The following TPGS2 variants were observed in gnomAD, a reference collection of about 807,000 sequenced individuals.
TPGS2 encodes polyglutamylase subunit 2.
A neutral mutation model predicts 31.1 loss-of-function variants in TPGS2; 26 were observed. The ratio of observed to expected loss-of-function variants is 0.84; its 90% CI spans 0.61 to 1.16. TPGS2 has a LOEUF of 1.16. Among genes scored for constraint, TPGS2 ranks in the 50% most tolerant of loss-of-function variants. The pLI is 0.00. For synonymous variants in TPGS2, 130 were observed against 136.6 expected, an observed-to-expected ratio of 0.95 and a Z score of 0.34; for missense variants, 351 against 363.8, an observed-to-expected ratio of 0.96 and a Z score of 0.29.
At chr18:36,804,402 C>T (rs2045005393) in intron 4 of TPGS2, among the ~76,000 whole-genome samples, 1 of 152,164 alleles carries the variant, frequency 6.6e-6, no homozygotes. Context: ...TATTTGACTA[C>T]TTCACCTTTT....
At chr18:36,792,187 A>G (rs1466278891), downstream of TPGS2, among the ~76,000 whole-genome samples, 2 of 152,224 alleles carry the variant, frequency 1.3e-5, no homozygotes, top group Non-Finnish European at 2.9e-5. Context: ...CTGAATGGCT[A>G]TTGGACAGAA....
At chr18:36,809,716 A>C (rs1600798148) in intron 2 of TPGS2, among the ~76,000 whole-genome samples, 2 of 152,156 alleles carry the variant, frequency 1.3e-5, no homozygotes, top group African/African-American at 4.8e-5. Flanking sequence ...TCGTCGCCCC[A>C]AAAGGACAGC....
rs1173696426 is a variant in TPGS2, at chr18:36,794,900, G to C, written c.*1905C>G. 2.0e-6 allele frequency: 2 copies of C among 981,370 alleles called. No individual in the cohort carries two copies. The highest frequency in any genetic ancestry group is 3.6e-5 in the African/African-American group (2 of 55,182). 60.8% of individuals were successfully genotyped at this position (981,370 alleles called of 1,614,324 possible). On this transcript the variant is annotated 3_prime_UTR_variant, in exon 7 of 7. Coordinates refer to ENST00000334295, the MANE Select transcript of TPGS2 (RefSeq NM_015476.4). ...ACACACACGTTTAAATGACCACACT[G>C]AATTATAAGTGGTTAGTTTTGGGAT...
intron 1 of TPGS2, among the ~76,000 whole-genome samples, chr18:36,824,532 T>C (rs913632004): frequency 9.2e-5 from 14 of 152,198 alleles, no homozygotes; most frequent in African/African-American, 3.4e-4. Context: ...CACCAACAAT[T>C]GCTGTATCTG....
rs1269011927 is a variant in TPGS2 at position 36,795,123 on chromosome 18, G to GAA, written c.*1680_*1681dup. 6.8e-5 allele frequency: 67 copies of GAA among 985,308 alleles called. No individual in the cohort carries two copies. The highest frequency in any genetic ancestry group is 8.0e-5 in the Non-Finnish European group (66 of 829,948). The allele number at this position is 985,308 out of a possible 1,614,324, so 61.0% of individuals were successfully genotyped here. A position where few individuals can be genotyped will look rare whatever the true frequency, so the allele number is the denominator to read the frequency against. ...ACCTTGGTTTTCCTCAGGGGCTATG[G>GAA]AAAGTGGTAGGTGGAGGAGATATCG... is the stretch of plus-strand genomic sequence containing the variant. On this transcript the variant is annotated 3_prime_UTR_variant, in exon 7 of 7. Transcript: ENST00000334295.
chr18:36,781,870 C>G, downstream of TPGS2: 1 of 985,364 alleles, frequency 1.0e-6, no homozygotes, highest in Non-Finnish European at 1.2e-6. Flanking sequence ...CCAGGAGAGC[C>G]TGGAACTTGC....
rs1195694491 is a variant in TPGS2, at chr18:36,828,899, G to A, written c.-132C>T. On this transcript the variant is annotated 5_prime_UTR_variant, in exon 1 of 7. Coordinates refer to ENST00000334295, the MANE Select transcript of TPGS2 (RefSeq NM_015476.4). ...CTGAAAGCGCGGCGCAGTGATGATG[G>A]GGGCCCGGGGTTGGTCTGACAGCAG... The A allele has an allele frequency of 2.2e-5, 26 of 1,168,568 alleles. No individual in the cohort carries two copies. The highest frequency in any genetic ancestry group is 3.1e-5 in the Non-Finnish European group (26 of 840,422). 72.4% of individuals were successfully genotyped at this position (1,168,568 alleles called of 1,614,324 possible). A position where few individuals can be genotyped will look rare whatever the true frequency, so the allele number is the denominator to read the frequency against.
At chr18:36,803,147 CCTTT>C (rs2044920818) in intron 4 of TPGS2, among the ~76,000 whole-genome samples, 1 of 152,078 alleles carries the variant, frequency 6.6e-6, no homozygotes, top group Non-Finnish European at 1.5e-5. Flanking sequence ...CATTTAAAAT[CCTTT>C]CTTTTAGCTA....
intron 6 of TPGS2, among the ~76,000 whole-genome samples, chr18:36,787,516 GT>G (rs1166599558): frequency 6.6e-6 from 1 of 152,186 alleles, no homozygotes; most frequent in Admixed American, 6.5e-5. Flanking sequence ...AATAATTATA[GT>G]TTTTTAAATC....
downstream of TPGS2, chr18:36,781,660 T>G (rs980254574): frequency 5.6e-6 from 4 of 716,800 alleles, no homozygotes; most frequent in African/African-American, 7.7e-5. Flanking sequence ...TAAAATAGCC[T>G]CTGCGACTCT....
intron 5 of TPGS2, among the ~76,000 whole-genome samples, chr18:36,799,162 C>G (rs549479549): frequency 1.3e-5 from 2 of 152,312 alleles, no homozygotes; most frequent in East Asian, 3.9e-4. Flanking sequence ...GCCTATCTTA[C>G]TTCCTCTGCT....
At chr18:36,802,447 G>T (rs2091577460) in intron 4 of TPGS2, among the ~76,000 whole-genome samples, 2 of 151,984 alleles carry the variant, frequency 1.3e-5, no homozygotes, top group Non-Finnish European at 2.9e-5. Flanking sequence ...TCTGGTAAAA[G>T]AGATTCTGCC....
chr18:36,794,912 G>C lies in TPGS2; in HGVS notation c.*1893C>G, dbSNP rs545736041. 7 of 983,560 alleles carry C rather than the reference G, an allele frequency of 7.1e-6. No individual in the cohort carries two copies. In the African/African-American group the frequency reaches 1.2e-4, roughly 17 times the overall value. 60.9% of individuals were successfully genotyped at this position (983,560 alleles called of 1,614,324 possible). On this transcript the variant is annotated 3_prime_UTR_variant, in exon 7 of 7. Coordinates refer to ENST00000334295, the MANE Select transcript of TPGS2 (RefSeq NM_015476.4). ...AAATGACCACACTGAATTATAAGTG[G>C]TTAGTTTTGGGATTGAAAAGGTAAG...
In TPGS2 at chr18:36,794,557, A is replaced by G; in HGVS notation, c.*2248T>C. 1 of 984,752 alleles carries G rather than the reference A, an allele frequency of 1.0e-6. No homozygotes were observed. The highest frequency in any genetic ancestry group is 1.2e-6 in the Non-Finnish European group (1 of 829,796). The allele number at this position is 984,752 out of a possible 1,614,324, so 61.0% of individuals were successfully genotyped here. Reference sequence around the variant, plus strand: ...CAGTGGAAGATGACATAACTTCTCAACTCCCTTCTAACCTCGCTTGTCTTG... The same window carrying G: ...CAGTGGAAGATGACATAACTTCTCAGCTCCCTTCTAACCTCGCTTGTCTTG... On this transcript the variant is annotated 3_prime_UTR_variant, in exon 7 of 7. Transcript: ENST00000334295.
At chr18:36,826,839 T>A (rs868174499) in intron 1 of TPGS2, among the ~76,000 whole-genome samples, 2 of 152,206 alleles carry the variant, frequency 1.3e-5, no homozygotes, top group Admixed American at 6.5e-5. Flanking sequence ...CCATTACATA[T>A]GATGTTAGAT....
chr18:36,804,688 G>A (rs2045021463), intron 4 of TPGS2, among the ~76,000 whole-genome samples: 2 of 152,130 alleles, frequency 1.3e-5, no homozygotes, highest in Admixed American at 1.3e-4. Context: ...CTTAATGAAA[G>A]CCCAGTTCTG....
chr18:36,801,350 A>G (rs908377036), intron 4 of TPGS2, among the ~76,000 whole-genome samples: 1 of 152,134 alleles, frequency 6.6e-6, no homozygotes, highest in Admixed American at 6.5e-5. Context: ...TTTTTGAGAC[A>G]GACAGGGTCT....
chr18:36,819,535 C>G (rs1332134419), intron 1 of TPGS2, among the ~76,000 whole-genome samples: 1 of 152,160 alleles, frequency 6.6e-6, no homozygotes, highest in Non-Finnish European at 1.5e-5. Context: ...GGGAAAAGGT[C>G]TCCAAATAAT....
intron 1 of TPGS2, among the ~76,000 whole-genome samples, chr18:36,828,195 G>A (rs1031775327): frequency 6.6e-6 from 1 of 152,170 alleles, no homozygotes; most frequent in Admixed American, 6.5e-5. Context: ...AGCAAACAAA[G>A]AAATGTTCGA....
Sources: allele counts gnomAD v4.1 joint callset (sites outside exome capture counted in the v4.1 genomes callset), GRCh38; gene constraint gnomAD v4.1.1; transcripts MANE v1.5; gene names NCBI Gene and HGNC (gene_info 2026-07-23, HGNC 2026-07-21).